ZIM2: variants seen among roughly 807,000 people sequenced by gnomAD.
ZIM2 encodes zinc finger protein 656.
Under a neutral mutation model 38.6 loss-of-function variants are expected in ZIM2, and 14 were observed. The ratio of observed to expected loss-of-function variants is 0.36; its 90% CI spans 0.24 to 0.57. ZIM2 has a LOEUF of 0.57. Ranked by LOEUF, ZIM2 falls within the 20% of genes least tolerant of loss-of-function variation. The pLI, the probability that ZIM2 is intolerant of heterozygous loss-of-function variation, is 0.81. For synonymous variants in ZIM2, 247 were observed against 245.8 expected (o/e 1.00, Z -0.04); for missense variants, 680 against 695.1 (o/e 0.98, Z 0.24).
chr19:56,837,660 C>T (rs934873474), intron 1 of ZIM2, among the ~76,000 whole-genome samples: 2 of 152,344 alleles, frequency 1.3e-5, no homozygotes. Flanking sequence ...GTGCAGCCCG[C>T]GGTCACTCAG....
At chr19:56,796,312 T>C (rs2047224899) in intron 9 of ZIM2, among the ~76,000 whole-genome samples, 1 of 152,246 alleles carries the variant, frequency 6.6e-6, no homozygotes, top group Non-Finnish European at 1.5e-5. Flanking sequence ...TACACATCAT[T>C]CTTGCGGATT....
chr19:56,801,547 A>G (rs1277826672), intron 9 of ZIM2, among the ~76,000 whole-genome samples: 1 of 152,224 alleles, frequency 6.6e-6, no homozygotes, highest in African/African-American at 2.4e-5. Context: ...GACTAAGGGA[A>G]GATCCTGAGG....
intron 9 of ZIM2, chr19:56,798,834 A>G (rs1335973498): frequency 6.6e-6 from 1 of 152,238 alleles, no homozygotes; most frequent in Non-Finnish European, 1.5e-5. Flanking sequence ...GAAGAAATTT[A>G]TGTGGGCAAT....
chr19:56,818,487 C>G, intron 8 of ZIM2, 113 bp downstream of exon 8: 1 of 1,120,818 alleles, frequency 8.9e-7, no homozygotes, highest in South Asian at 1.5e-5. Flanking sequence ...TTCTTATTAC[C>G]CTTGAAGTCC....
chr19:56,785,561 A>T (rs950767177), intron 10 of ZIM2, among the ~76,000 whole-genome samples: 1 of 152,152 alleles, frequency 6.6e-6, no homozygotes, highest in African/African-American at 2.4e-5. Flanking sequence ...AAACCTCATA[A>T]CAGTATCATG....
intron 6 of ZIM2, chr19:56,822,542 T>G: frequency 1.9e-6 from 1 of 534,892 alleles, no homozygotes; most frequent in Non-Finnish European, 3.2e-6. Context: ...GAGCAAATAG[T>G]TTAGGTGGCA....
rs145933493 is a variant in ZIM2 at position 56,821,712 on chromosome 19, G to T, written c.233C>A (p.Thr78Lys). The T allele has an allele frequency of 3.0e-5, 49 of 1,613,884 alleles. No individual in the cohort carries two copies. The African/African-American group carries it at 6.1e-4, about 20-fold the overall frequency. Reference protein sequence around the residue: ...RDLSLPVVAKTSFEMDREDDR... With the variant: ...RDLSLPVVAKKSFEMDREDDR... ...GTCCTCTCTGTCCATTTCAAAGCTTGTTTTCGCCACCACAGGAAGGGAAAG... is the reference window on the plus strand; with the variant it reads ...GTCCTCTCTGTCCATTTCAAAGCTTTTTTTCGCCACCACAGGAAGGGAAAG... Residue 78 changes from threonine (T) to lysine (K), a missense_variant, in exon 7 of 13, where the codon ACA (threonine) becomes AAA (lysine). By Grantham distance (78) the Thr-to-Lys change is moderately conservative (BLOSUM62 -1). Transcript: ENST00000629319.
chr19:56,775,324 C>G lies in ZIM2; in HGVS notation c.1041G>C (p.Thr347=), dbSNP rs142068712. The change falls in exon 13 of 13, where the codon ACG becomes ACC. Residue 347 remains threonine (T), a synonymous_variant. Coordinates refer to ENST00000629319, the MANE Select transcript of ZIM2 (RefSeq NM_001387356.1). ...TCTCTTGGGATGCTGACTGGGGACTCGTACATATTCCAGGAGCAGTGCCTT... is the reference window on the plus strand; with the variant it reads ...TCTCTTGGGATGCTGACTGGGGACTGGTACATATTCCAGGAGCAGTGCCTT... ...PQEGTAPGIC[T]SPQSASQENK... The G allele has an allele frequency of 9.4e-4, 1,510 of 1,614,172 alleles. 14 individuals carry two copies. In the African/African-American group the frequency reaches 0.018, roughly 20 times the overall value.
chr19:56,783,846 G>A (rs2034203237), intron 10 of ZIM2, among the ~76,000 whole-genome samples: 1 of 151,974 alleles, frequency 6.6e-6, no homozygotes, highest in East Asian at 1.9e-4. Context: ...GAAAAAAAAA[G>A]ATAGACTGAC....
intron 2 of ZIM2, among the ~76,000 whole-genome samples, chr19:56,830,805 T>G (rs561960667): frequency 1.1e-4 from 17 of 152,216 alleles, no homozygotes; most frequent in African/African-American, 3.9e-4. Context: ...TGTGGTGGCA[T>G]GAGCCTGTAA....
Position 56,779,394 on chromosome 19 carries a change from T to G in ZIM2, c.818A>C (p.His273Pro). ...CTACTCACCTTGACAAATCACTGTA[T>G]GTCTGCTGTCTGTCTCCATTGCATA... is the stretch of plus-strand genomic sequence containing the variant. ...ESYAMETDSR[H>P]TVICQGESHD... The change falls in exon 12 of 13, where the codon CAT becomes CCT. Residue 273 changes from histidine to proline, a missense_variant. By Grantham distance (77) the His-to-Pro change is moderately conservative (BLOSUM62 -2). Transcript: ENST00000629319. 1 of 1,613,894 alleles carries G rather than the reference T, an allele frequency of 6.2e-7. No homozygotes were observed. Among genetic ancestry groups the G allele is most frequent in the Non-Finnish European group, 8.5e-7 (1 of 1,179,864 alleles).
intron 12 of ZIM2, among the ~76,000 whole-genome samples, chr19:56,777,972 A>T (rs2046108743): frequency 6.6e-6 from 1 of 152,004 alleles, no homozygotes; most frequent in Non-Finnish European, 1.5e-5. Flanking sequence ...GGGCCCTGGC[A>T]CTTGCTGTTC....
At chr19:56,819,496 G>C (rs904128001) in intron 7 of ZIM2, among the ~76,000 whole-genome samples, 2 of 152,196 alleles carry the variant, frequency 1.3e-5, no homozygotes, top group African/African-American at 4.8e-5. Flanking sequence ...AGGGAGTCAT[G>C]GTCCCAGGAA....
At chr19:56,789,978 A>C (rs1334876523) in intron 9 of ZIM2, 27 bp from the exon 10 acceptor site, 2 of 1,505,726 alleles carry the variant, frequency 1.3e-6, no homozygotes, top group Non-Finnish European at 1.8e-6. Flanking sequence ...AATACCATGG[A>C]ATTGAGTCCT....
chr19:56,797,487 T>C lies in ZIM2; in HGVS notation c.491-7536A>G, dbSNP rs571446666. Among the ~76,000 whole-genome samples, 4 of 152,298 alleles carry C rather than the reference T, an allele frequency of 2.6e-5. No homozygotes were observed. In the South Asian group the frequency reaches 8.3e-4, roughly 32 times the overall value. ...AAATGACCTACCAGCAAGTCTTTTA[T>C]GTGTGTGTGTTCTTTTCTATTTCTT... On this transcript the variant is annotated intron_variant, in intron 9 of 12. Transcript: ENST00000629319.
intron 2 of ZIM2, 102 bp downstream of exon 2, chr19:56,835,916 G>A: frequency 2.3e-6 from 1 of 436,588 alleles, no homozygotes. Flanking sequence ...GTGCTGGGGT[G>A]GCTATGTGGA....
chr19:56,785,346 G>C (rs921732145), intron 10 of ZIM2, among the ~76,000 whole-genome samples: 1 of 152,120 alleles, frequency 6.6e-6, no homozygotes, highest in African/African-American at 2.4e-5. Context: ...AGATATTCTA[G>C]AACAGTGTTT....
chr19:56,790,070 G>C (rs1223660100), intron 9 of ZIM2, 119 bp from the exon 10 acceptor site: 1 of 685,580 alleles, frequency 1.5e-6, no homozygotes, highest in East Asian at 3.3e-5. Flanking sequence ...CAGCTCTAGA[G>C]TTCCTATGGT....
Position 56,814,685 on chromosome 19 carries a change from G to A in ZIM2, c.490+3061C>T. ...TCCTCAGCCATCTGGCTCTGCTCCA[G>A]TAAATCATCTTCCCTATGAAGTCTC... is the stretch of plus-strand genomic sequence containing the variant. On this transcript the variant is annotated intron_variant, in intron 9 of 12. Transcript: ENST00000629319. This position sits in a 1 kb window ranked among gnomAD's most constrained non-coding sequence, Gnocchi z 5.8. The A allele has an allele frequency of 6.2e-7, 1 of 1,614,064 alleles. No individual in the cohort carries two copies. The highest frequency in any genetic ancestry group is 8.5e-7 in the Non-Finnish European group (1 of 1,179,986).
Sources: allele counts gnomAD v4.1 joint callset (sites outside exome capture counted in the v4.1 genomes callset), GRCh38; gene constraint gnomAD v4.1.1; non-coding constraint Gnocchi (gnomAD v3.1); transcripts MANE v1.5; gene names NCBI Gene and HGNC (gene_info 2026-07-23, HGNC 2026-07-21).